Variants in KCNB2 observed in about 807,000 individuals in gnomAD.
KCNB2 encodes delayed rectifier potassium channel protein.
A neutral mutation model predicts 61.5 loss-of-function variants in KCNB2; 15 were observed. The observed-to-expected ratio is 0.24, with a 90% CI of 0.16 to 0.38. KCNB2 has a LOEUF of 0.38. Ranked by LOEUF, KCNB2 falls within the 10% of genes least tolerant of loss-of-function variation. The pLI is 1.00. For synonymous variants in KCNB2, 457 were observed against 446.0 expected (o/e 1.02, Z -0.31); for missense variants, 828 against 1,125.2 (o/e 0.74, Z 3.78).
chr8:72,703,550 CA>C (rs796944738), intron 2 of KCNB2, among the ~76,000 whole-genome samples: 7 of 152,298 alleles, frequency 4.6e-5, no homozygotes, highest in African/African-American at 1.4e-4. Context: ...GATCTTCGAC[CA>C]AGTAGCTCTC....
At chr8:72,812,650 A>G (rs1479799990) in intron 2 of KCNB2, among the ~76,000 whole-genome samples, 2 of 152,046 alleles carry the variant, frequency 1.3e-5, no homozygotes, top group Non-Finnish European at 2.9e-5. Context: ...GGAGATGACT[A>G]TATGTTTTAC....
At chr8:72,614,633 C>A (rs1222586088) in intron 2 of KCNB2, among the ~76,000 whole-genome samples, 2 of 152,116 alleles carry the variant, frequency 1.3e-5, no homozygotes, top group East Asian at 3.9e-4. Flanking sequence ...TATAACGGCT[C>A]CTGCTCTTAT....
At chr8:72,885,821 G>A (rs1585952296) in intron 2 of KCNB2, among the ~76,000 whole-genome samples, 1 of 151,914 alleles carries the variant, frequency 6.6e-6, no homozygotes, top group African/African-American at 2.4e-5. Flanking sequence ...AGCATGTAGG[G>A]CTATTTCTAA....
At position 72,725,574 on chromosome 8, in the gene KCNB2, T is replaced by TAC. The variant is rs1491177271; in HGVS notation, c.579+157261_579+157262insAC. Reference sequence around the variant, plus strand: ...ATATATATGTATATATGTATATATATGTATATATATATGTATGTATATATA... The same window carrying TAC: ...ATATATATGTATATATGTATATATATACGTATATATATATGTATGTATATATA... On this transcript the variant is annotated intron_variant, in intron 2 of 2. Coordinates refer to ENST00000523207, the MANE Select transcript of KCNB2 (RefSeq NM_004770.3). Among the ~76,000 whole-genome samples the TAC allele has an allele frequency of 4.0e-4, 40 of 99,550 alleles. 1 individual carries two copies. In the East Asian group the frequency reaches 8.5e-3, roughly 21 times the overall value. The allele number at this position is 99,550 out of a possible 152,430, so 65.3% of individuals were successfully genotyped here.
intron 2 of KCNB2, among the ~76,000 whole-genome samples, chr8:72,732,451 C>T (rs1177376643): frequency 2.6e-5 from 4 of 152,242 alleles, no homozygotes; most frequent in Non-Finnish European, 5.9e-5. Context: ...TGTCTGGCAA[C>T]ATTGTGCTGG....
At chr8:72,832,998 C>T (rs1809724238) in intron 2 of KCNB2, among the ~76,000 whole-genome samples, 1 of 152,070 alleles carries the variant, frequency 6.6e-6, no homozygotes. Flanking sequence ...ACATAGGAGA[C>T]CTATGGAGAA....
intron 2 of KCNB2, among the ~76,000 whole-genome samples, chr8:72,662,814 G>A (rs914284812): frequency 4.6e-5 from 7 of 152,136 alleles, no homozygotes; most frequent in Admixed American, 2.6e-4. Flanking sequence ...ATTTAAAAAC[G>A]AAAGAGGAAG....
At chr8:72,670,009 T>C (rs1806537236) in intron 2 of KCNB2, among the ~76,000 whole-genome samples, 1 of 152,240 alleles carries the variant, frequency 6.6e-6, no homozygotes, top group Admixed American at 6.5e-5. Context: ...CTTCCTCTTA[T>C]TAGCTGGATC....
chr8:72,642,086 TC>T (rs1806065022), intron 2 of KCNB2, among the ~76,000 whole-genome samples: 1 of 152,102 alleles, frequency 6.6e-6, no homozygotes, highest in South Asian at 2.1e-4. Flanking sequence ...AGAAGACTGA[TC>T]GACGTTGTTC....
chr8:72,738,558 T>C (rs560825026), intron 2 of KCNB2, among the ~76,000 whole-genome samples: 1 of 152,352 alleles, frequency 6.6e-6, no homozygotes, highest in African/African-American at 2.4e-5. Flanking sequence ...GCCCCGGCTA[T>C]GTGTCACTGA....
intron 2 of KCNB2, among the ~76,000 whole-genome samples, chr8:72,844,059 T>C (rs1809942148): frequency 6.6e-6 from 1 of 152,244 alleles, no homozygotes; most frequent in African/African-American, 2.4e-5. Context: ...TGGTATGTTT[T>C]TGCAGTGGCT....
intron 2 of KCNB2, among the ~76,000 whole-genome samples, chr8:72,739,549 A>G (rs139196147): frequency 6.6e-6 from 1 of 152,036 alleles, no homozygotes; most frequent in African/African-American, 2.4e-5. Flanking sequence ...AGCAAAAGCG[A>G]GTGGAAGTGC....
intron 2 of KCNB2, among the ~76,000 whole-genome samples, chr8:72,650,292 C>T (rs1430195875): frequency 6.6e-6 from 1 of 152,080 alleles, no homozygotes; most frequent in Non-Finnish European, 1.5e-5. Context: ...TCTGAATTTC[C>T]AGCCTGGGAC....
At chr8:72,732,854 A>G (rs1297844030) in intron 2 of KCNB2, among the ~76,000 whole-genome samples, 6 of 152,212 alleles carry the variant, frequency 3.9e-5, no homozygotes, top group South Asian at 2.1e-4. Flanking sequence ...TGTCCCTGTC[A>G]TAAAGTATAT....
At chr8:72,718,235 C>G (rs907164916) in intron 2 of KCNB2, among the ~76,000 whole-genome samples, 1 of 152,146 alleles carries the variant, frequency 6.6e-6, no homozygotes, top group Non-Finnish European at 1.5e-5. Flanking sequence ...ACTAGTTCAA[C>G]TATTGTGGAA....
At chr8:72,659,924 AT>A (rs1319920499) in intron 2 of KCNB2, among the ~76,000 whole-genome samples, 1 of 152,178 alleles carries the variant, frequency 6.6e-6, no homozygotes, top group Non-Finnish European at 1.5e-5. Context: ...ACTTTAATGT[AT>A]TTTTACTTTA....
intron 2 of KCNB2, among the ~76,000 whole-genome samples, chr8:72,800,951 A>G (rs1452078493): frequency 6.6e-6 from 1 of 152,178 alleles, no homozygotes; most frequent in African/African-American, 2.4e-5. Flanking sequence ...GTTCCAACCT[A>G]GGTTGATGCC....
At chr8:72,576,766 G>C (rs141473690) in intron 2 of KCNB2, among the ~76,000 whole-genome samples, 3 of 152,302 alleles carry the variant, frequency 2.0e-5, no homozygotes, top group African/African-American at 7.2e-5. Flanking sequence ...TCACTTTAGA[G>C]TTTATAAGCA....
intron 2 of KCNB2, among the ~76,000 whole-genome samples, chr8:72,733,836 G>T (rs1807792520): frequency 6.6e-6 from 1 of 152,100 alleles, no homozygotes; most frequent in Admixed American, 6.6e-5. Flanking sequence ...CTGAATTCTT[G>T]GAGGTGGGAA....
Sources: allele counts gnomAD v4.1 joint callset (sites outside exome capture counted in the v4.1 genomes callset), GRCh38; gene constraint gnomAD v4.1.1; transcripts MANE v1.5; gene names NCBI Gene and HGNC (gene_info 2026-07-23, HGNC 2026-07-21).